Variants in MEIS2 observed in about 807,000 individuals in gnomAD.
MEIS2 encodes Meis homeobox 2.
A neutral mutation model predicts 58.6 loss-of-function variants in MEIS2; 9 were observed. That is an observed-to-expected ratio of 0.15 (90% CI 0.09 to 0.27). MEIS2 has a LOEUF of 0.27. MEIS2 is among the 10% of genes least tolerant of loss of function. The pLI is 1.00. For synonymous variants in MEIS2, 221 were observed against 228.4 expected (o/e 0.97, Z 0.29); for missense variants, 427 against 635.0 (o/e 0.67, Z 3.52).
chr15:36,995,980 T>TAC (rs1384414350), intron 8 of MEIS2, among the ~76,000 whole-genome samples: 1 of 62,258 alleles, frequency 1.6e-5, no homozygotes, highest in Admixed American at 2.1e-4. Flanking sequence ...TATATATATA[T>TAC]ATATATATAT....
intron 7 of MEIS2, chr15:37,066,168 T>C (rs1440711470): frequency 6.6e-6 from 1 of 152,096 alleles, no homozygotes; most frequent in Non-Finnish European, 1.5e-5. Flanking sequence ...AAAAAATTGG[T>C]TTTTCAAAGT....
At chr15:37,058,041 A>G (rs1567237602) in intron 7 of MEIS2, among the ~76,000 whole-genome samples, 1 of 152,210 alleles carries the variant, frequency 6.6e-6, no homozygotes, top group Non-Finnish European at 1.5e-5. Flanking sequence ...GCACGATAAC[A>G]GAAAGTTTCT....
chr15:37,096,966 C>G (rs1198482194), intron 2 of MEIS2, among the ~76,000 whole-genome samples: 1 of 152,236 alleles, frequency 6.6e-6, no homozygotes, highest in Non-Finnish European at 1.5e-5. Context: ...TTTAATCTCT[C>G]CACCTCCTTG....
chr15:37,091,332 A>G (rs1893488482), intron 6 of MEIS2, among the ~76,000 whole-genome samples: 1 of 152,190 alleles, frequency 6.6e-6, no homozygotes, highest in East Asian at 1.9e-4. Flanking sequence ...AGTCTGTGGC[A>G]AATCTCTCCG....
intron 8 of MEIS2, among the ~76,000 whole-genome samples, chr15:36,996,551 G>A (rs1253768340): frequency 6.6e-6 from 1 of 152,138 alleles, no homozygotes; most frequent in African/African-American, 2.4e-5. Flanking sequence ...ATAATTACGT[G>A]TTTCTTCAGA....
intron 8 of MEIS2, among the ~76,000 whole-genome samples, chr15:37,007,573 T>C (rs1215459263): frequency 1.3e-5 from 2 of 152,148 alleles, no homozygotes; most frequent in Admixed American, 1.3e-4. Flanking sequence ...GAGTCCACCA[T>C]ACCACACACC....
chr15:37,022,579 T>C (rs2061562320), intron 8 of MEIS2, among the ~76,000 whole-genome samples: 1 of 151,558 alleles, frequency 6.6e-6, no homozygotes. Flanking sequence ...TGCTTACCAG[T>C]CATTTGTATT....
Position 37,095,614 on chromosome 15 carries a change from C to G in MEIS2, c.388G>C (p.Val130Leu). 1 of 1,614,160 alleles carries G rather than the reference C, an allele frequency of 6.2e-7. No individual in the cohort carries two copies. The highest frequency in any genetic ancestry group is 8.5e-7 in the Non-Finnish European group (1 of 1,180,038). ...GAAAAAAGTGGCTTTTCGGCGCGAA[C>G]CTGTAAGAAACAGAGAGTCAACTTG... The part of the protein sequence containing the change: ...NEDIAVFAKQ[V>L]RAEKPLFSSN... The change falls in exon 4 of 12, where the codon GTT (valine) becomes CTT (leucine). Residue 130 changes from valine (V) to leucine (L), a missense_variant and splice_region_variant. Physicochemically the swap from Val to Leu is conservative, Grantham distance 32. Around this residue, in one of 6 missense-constraint regions of MEIS2, gnomAD observed 138 missense variants for 263.0 expected, o/e 0.52. Coordinates refer to ENST00000561208, the MANE Select transcript of MEIS2 (RefSeq NM_170675.5).
chr15:36,890,046 A>G lies in MEIS2; in HGVS notation c.*2127T>C, dbSNP rs1231088561. 1.3e-5 allele frequency: 2 copies of G among 152,338 alleles called. No individual in the cohort carries two copies. Among genetic ancestry groups the G allele is most frequent in the African/African-American group, 4.8e-5 (2 of 41,584 alleles). The allele number at this position is 152,338 out of a possible 1,614,324, so 9.4% of individuals were successfully genotyped here. A position where few individuals can be genotyped will look rare whatever the true frequency, so the allele number is the denominator to read the frequency against. On this transcript the variant is annotated 3_prime_UTR_variant, in exon 12 of 12. Coordinates refer to ENST00000561208, the MANE Select transcript of MEIS2 (RefSeq NM_170675.5). ...TCGTTCATTTATATAGAACCTCCAT[A>G]AATGCTGTCTGAAATGGAAAGATGG...
chr15:37,064,458 AT>A (rs1457689995), intron 7 of MEIS2, among the ~76,000 whole-genome samples: 2 of 152,194 alleles, frequency 1.3e-5, no homozygotes, highest in Non-Finnish European at 2.9e-5. Context: ...TAAAAAGGAC[AT>A]TATGAATAAT....
chr15:37,038,596 C>A (rs146768372), intron 7 of MEIS2, among the ~76,000 whole-genome samples: 1 of 152,344 alleles, frequency 6.6e-6, no homozygotes, highest in East Asian at 1.9e-4. Flanking sequence ...AAAGCAGCTC[C>A]CTTCCATCTG....
At chr15:37,011,230 CTT>C (rs899888450) in intron 8 of MEIS2, among the ~76,000 whole-genome samples, 6 of 152,214 alleles carry the variant, frequency 3.9e-5, no homozygotes, top group African/African-American at 1.4e-4. Context: ...GTAGTTATCT[CTT>C]GTCTCCACAC....
intron 7 of MEIS2, among the ~76,000 whole-genome samples, chr15:37,061,020 T>C (rs1889136741): frequency 6.6e-6 from 1 of 152,206 alleles, no homozygotes; most frequent in Admixed American, 6.5e-5. Context: ...GAATACATGA[T>C]GCAGTTAGTA....
At chr15:37,016,064 A>G (rs1255317632) in intron 8 of MEIS2, among the ~76,000 whole-genome samples, 1 of 151,950 alleles carries the variant, frequency 6.6e-6, no homozygotes, top group Non-Finnish European at 1.5e-5. Context: ...CCAGGAAAAA[A>G]CAAATTTTGA....
At chr15:37,018,516 T>C (rs1567187644) in intron 8 of MEIS2, among the ~76,000 whole-genome samples, 2 of 152,228 alleles carry the variant, frequency 1.3e-5, no homozygotes, top group Admixed American at 6.5e-5. Context: ...ATAGTATCTA[T>C]ACATGCAAAA....
intron 8 of MEIS2, among the ~76,000 whole-genome samples, chr15:36,987,782 AGT>A (rs955008264): frequency 3.1e-5 from 4 of 128,736 alleles, no homozygotes; most frequent in African/African-American, 1.0e-4. Context: ...AGCTATGACC[AGT>A]TTTTTTTTTT....
chr15:37,004,651 C>T (rs778730916), intron 8 of MEIS2, among the ~76,000 whole-genome samples: 21 of 152,174 alleles, frequency 1.4e-4, no homozygotes, highest in African/African-American at 4.3e-4. Flanking sequence ...CTCTTGATAC[C>T]GCAGACTGAT....
intron 8 of MEIS2, among the ~76,000 whole-genome samples, chr15:36,978,398 G>A (rs778915649): frequency 3.3e-5 from 5 of 152,198 alleles, no homozygotes; most frequent in Non-Finnish European, 7.4e-5. Flanking sequence ...TTGAATGCAG[G>A]CCAGCCTGGC....
intron 9 of MEIS2, among the ~76,000 whole-genome samples, chr15:36,945,571 C>T (rs2058534365): frequency 6.6e-6 from 1 of 152,042 alleles, no homozygotes; most frequent in South Asian, 2.1e-4. Context: ...GTCCTTTAAT[C>T]GTAATTGAAC....
Sources: gnomAD v4.1 joint callset for allele counts (sites outside exome capture counted in the v4.1 genomes callset) on GRCh38, gnomAD v4.1.1 for gene constraint, gnomAD v4.1.1 regional missense constraint, MANE v1.5 for transcripts, NCBI Gene and HGNC (gene_info 2026-07-23, HGNC 2026-07-21) for gene names.